The following AVEN variants were observed in gnomAD, a reference collection of about 807,000 sequenced individuals.
AVEN encodes apoptosis and caspase activation inhibitor, also known as cell death regulator Aven.
AVEN carries 41 observed loss-of-function variants against 38.1 expected under a neutral mutation model. That is an observed-to-expected ratio of 1.08 (90% confidence interval 0.84 to 1.40). The LOEUF is 1.40. Among genes scored for constraint, AVEN ranks in the 40% most tolerant of loss-of-function variants. The probability of loss-of-function intolerance (pLI) is 0.00; values close to 1 mark genes in which losing one functional copy is unlikely to be tolerated. For synonymous variants in AVEN, 206 were observed against 171.8 expected, an observed-to-expected ratio of 1.20 and a Z score of -1.56; for missense variants, 605 against 438.8, an observed-to-expected ratio of 1.38 and a Z score of -3.38.
chr15:33,981,839 G>GT (rs1468495741), intron 2 of AVEN, among the ~76,000 whole-genome samples: 2 of 151,832 alleles, frequency 1.3e-5, no homozygotes, highest in African/African-American at 4.8e-5. Flanking sequence ...AACAAGTTTT[G>GT]TTTTTTTGTT....
chr15:34,063,975 C>A lies in AVEN; in HGVS notation n.1127-543G>T. On this transcript the variant is annotated intron_variant and non_coding_transcript_variant, in intron 4 of 11. Transcript: ENST00000675287. The surrounding 1 kb of genome is among the most constrained non-coding windows in gnomAD (Gnocchi z 4.1). Reference sequence around the variant, plus strand: ...GGAACCTTCAACGAAAGGCCTCAATCCCAACCCCAGCCATCAAATGACCAA... The same window carrying A: ...GGAACCTTCAACGAAAGGCCTCAATACCAACCCCAGCCATCAAATGACCAA... 3 of 1,614,176 alleles carry A rather than the reference C, an allele frequency of 1.9e-6. No individual in the cohort carries two copies. The highest frequency in any genetic ancestry group is 2.5e-6 in the Non-Finnish European group (3 of 1,180,026).
At position 34,038,844 on chromosome 15, in the gene AVEN, C is replaced by T. The variant is rs2140796190; in HGVS notation, c.203G>A (p.Gly68Glu). ...GFRGARGGRG[G>E]GGAPRGSRRE... is the part of the protein sequence containing the mutation. ...GCGGCTGCCTCGCGGGGCGCCTCCT[C>T]CTCCTCGGCCTCCGCGAGCGCCGCG... The change falls in exon 1 of 6, where the codon GGA becomes GAA. Residue 68 changes from glycine (G) to glutamate (E), a missense_variant. Gly to Glu is a moderately conservative substitution (Grantham distance 98). Coordinates refer to ENST00000306730, the MANE Select transcript of AVEN (RefSeq NM_020371.3). 1.7e-6 allele frequency: 2 copies of T among 1,170,270 alleles called. No individual in the cohort carries two copies. The highest frequency in any genetic ancestry group is 2.1e-6 in the Non-Finnish European group (2 of 950,928). The allele number at this position is 1,170,270 out of a possible 1,614,324, so 72.5% of individuals were successfully genotyped here.
chr15:33,992,451 A>C lies in AVEN; in HGVS notation c.445+10581T>G, dbSNP rs186368502. On this transcript the variant is annotated intron_variant, in intron 2 of 5. Transcript: ENST00000306730. ...TATTCAATATTCAGCTACAAGGAAA[A>C]GTTTTTTTGTTATCGGAGTTTTCCT... 4.0e-3 allele frequency among the ~76,000 whole-genome samples: 607 copies of C among 152,266 alleles called. 3 individuals carry two copies. Among genetic ancestry groups the C allele is most frequent in the African/African-American group, 0.013 (555 of 41,552 alleles).
intron 1 of AVEN, among the ~76,000 whole-genome samples, chr15:34,015,822 CAA>C (rs1163708097): frequency 6.6e-6 from 1 of 152,106 alleles, no homozygotes; most frequent in East Asian, 1.9e-4. Context: ...TATTTTATTT[CAA>C]AGATAAAATG....
chr15:33,860,688 C>T, intron 11 of AVEN: 1 of 1,473,258 alleles, frequency 6.8e-7, no homozygotes, highest in Non-Finnish European at 9.3e-7. Context: ...CTAATCCCAG[C>T]TCTATTTTAA....
At chr15:33,924,263 G>A (rs1173627427) in intron 2 of AVEN, among the ~76,000 whole-genome samples, 5 of 151,798 alleles carry the variant, frequency 3.3e-5, no homozygotes, top group African/African-American at 7.3e-5. Context: ...CCACCTACTC[G>A]GGAGGCTGAG....
chr15:33,859,072 C>G (rs2080052533), exon 12 of AVEN: 1 of 154,174 alleles, frequency 6.5e-6, no homozygotes, highest in South Asian at 2.0e-4. Flanking sequence ...GCTCAGGGAG[C>G]CCGTGCCTAG....
Position 33,952,013 on chromosome 15 carries a change from T to C in AVEN, c.445+51019A>G, listed in dbSNP as rs142059546. ...ATCCCCACCCAAGTAAGCAGAGCTC[T>C]AGAGCTCAAAAATCCATTTGATTTC... is the stretch of plus-strand genomic sequence containing the variant. On this transcript the variant is annotated intron_variant, in intron 2 of 5. Transcript: ENST00000306730. Among the ~76,000 whole-genome samples the C allele has an allele frequency of 8.2e-3, 1,250 of 152,282 alleles. 10 individuals are homozygous for C. The highest frequency in any genetic ancestry group is 0.014 in the Non-Finnish European group (950 of 68,004).
intron 2 of AVEN, among the ~76,000 whole-genome samples, chr15:33,988,240 A>T (rs1896561880): frequency 6.6e-6 from 1 of 152,208 alleles, no homozygotes; most frequent in South Asian, 2.1e-4. Flanking sequence ...CAATAAACAT[A>T]GTTTTTTTTA....
chr15:33,980,998 G>C (rs953146051), intron 2 of AVEN, among the ~76,000 whole-genome samples: 2 of 152,058 alleles, frequency 1.3e-5, no homozygotes, highest in African/African-American at 4.8e-5. Context: ...CTTTAAAATA[G>C]AGATCATCAA....
intron 2 of AVEN, among the ~76,000 whole-genome samples, chr15:33,983,215 C>CACATAT (rs1555512819): frequency 1.8e-5 from 2 of 111,784 alleles, no homozygotes; most frequent in East Asian, 3.0e-4. Flanking sequence ...TATATATATA[C>CACATAT]ATATATATAC....
chr15:33,901,280 A>G (rs567248204), intron 2 of AVEN, among the ~76,000 whole-genome samples: 20 of 152,146 alleles, frequency 1.3e-4, no homozygotes, highest in Non-Finnish European at 2.5e-4. Flanking sequence ...AAAGAAAAGA[A>G]AAAGACTCTA....
rs1898596388 is a variant in AVEN, at chr15:34,028,317, C to A, written c.267+10463G>T. Among the ~76,000 whole-genome samples the A allele has an allele frequency of 2.0e-5, 3 of 152,308 alleles. No homozygotes were observed. In the East Asian group the frequency reaches 5.8e-4, roughly 29 times the overall value. On this transcript the variant is annotated intron_variant, in intron 1 of 5. Transcript: ENST00000306730. ...CAGTGGCTCACACCTGTAGTCCCAG[C>A]ACTTTGGGAAGCCAAGGCAGGTGGT...
chr15:33,871,774 C>CAAAAAAAAAAAAAAAAAAAAAAAAAAAA (rs55793582), intron 3 of AVEN, among the ~76,000 whole-genome samples: 3 of 91,608 alleles, frequency 3.3e-5, no homozygotes, highest in Non-Finnish European at 4.5e-5. Flanking sequence ...CTAGTCTCCT[C>CAAAAAAAAAAAAAAAAAAAAAAAAAAAA]AAAAAAAAAA....
intron 2 of AVEN, among the ~76,000 whole-genome samples, chr15:33,997,517 C>T (rs1411937342): frequency 6.6e-6 from 1 of 152,116 alleles, no homozygotes; most frequent in African/African-American, 2.4e-5. Flanking sequence ...TATATCATTA[C>T]CGTCATCCGC....
chr15:34,038,638 T>G, intron 1 of AVEN, 142 bp downstream of exon 1: 1 of 665,512 alleles, frequency 1.5e-6, no homozygotes, highest in Non-Finnish European at 1.9e-6. Context: ...CGCGCCACCA[T>G]CCGCCCGTCC....
intron 1 of AVEN, among the ~76,000 whole-genome samples, chr15:34,023,180 AG>A (rs1444225581): frequency 6.6e-6 from 1 of 152,170 alleles, no homozygotes; most frequent in Non-Finnish European, 1.5e-5. Context: ...ACTCGGTCTC[AG>A]AAAAAAAAAA....
At chr15:33,949,313 C>A (rs569596098) in intron 2 of AVEN, among the ~76,000 whole-genome samples, 1 of 152,340 alleles carries the variant, frequency 6.6e-6, no homozygotes, top group East Asian at 1.9e-4. Flanking sequence ...AGCCACCGCG[C>A]CCAGCCAAAT....
downstream of AVEN, among the ~76,000 whole-genome samples, chr15:33,863,859 ATGG>A (rs1889441388): frequency 6.6e-6 from 1 of 152,220 alleles, no homozygotes; most frequent in South Asian, 2.1e-4. Context: ...TAACAATAAA[ATGG>A]TGGCCAAAAT....
Sources: allele counts gnomAD v4.1 joint callset (sites outside exome capture counted in the v4.1 genomes callset), GRCh38; gene constraint gnomAD v4.1.1; non-coding constraint Gnocchi (gnomAD v3.1); transcripts MANE v1.5; gene names NCBI Gene and HGNC (gene_info 2026-07-23, HGNC 2026-07-21).